NCAM2: variants seen among roughly 807,000 people sequenced by gnomAD.
The protein encoded by NCAM2 is N-CAM-2.
NCAM2 carries 30 observed loss-of-function variants against 98.1 expected under a neutral mutation model. That is an observed-to-expected ratio of 0.31 (90% CI 0.23 to 0.41). The LOEUF is 0.41. Ranked by LOEUF, NCAM2 falls within the 10% of genes least tolerant of loss-of-function variation. NCAM2 has a pLI of 1.00. For synonymous variants in NCAM2, 368 were observed against 342.4 expected (o/e 1.07, Z -0.83); for missense variants, 867 against 1,005.8 (o/e 0.86, Z 1.87).
intron 1 of NCAM2, among the ~76,000 whole-genome samples, chr21:21,114,155 TGA>T (rs2066507680): frequency 6.6e-6 from 1 of 152,208 alleles, no homozygotes; most frequent in Admixed American, 6.5e-5. Flanking sequence ...ATAAGCATTT[TGA>T]GTATGCTTTT....
chr21:21,288,630 T>C (rs2073185529), intron 4 of NCAM2, among the ~76,000 whole-genome samples: 1 of 151,612 alleles, frequency 6.6e-6, no homozygotes, highest in Admixed American at 6.6e-5. Flanking sequence ...ACATAAATCA[T>C]TATTGAACAA....
At chr21:21,333,252 G>A (rs750894984) in intron 6 of NCAM2, among the ~76,000 whole-genome samples, 4 of 152,048 alleles carry the variant, frequency 2.6e-5, no homozygotes, top group Non-Finnish European at 4.4e-5. Context: ...TTCCTATTGA[G>A]CATTTAAAGT....
At chr21:21,035,105 A>G (rs1166756975) in intron 1 of NCAM2, among the ~76,000 whole-genome samples, 3 of 152,144 alleles carry the variant, frequency 2.0e-5, no homozygotes, top group Non-Finnish European at 4.4e-5. Flanking sequence ...ATTTAACACA[A>G]GGTCAGGGAC....
intron 1 of NCAM2, among the ~76,000 whole-genome samples, chr21:21,264,994 G>GTGTATA (rs1428185369): frequency 1.1e-4 from 4 of 38,094 alleles, no homozygotes; most frequent in Admixed American, 4.2e-4. Context: ...ATATGTGTAT[G>GTGTATA]TGTATATATA....
chr21:21,347,025 A>C (rs951238173), intron 8 of NCAM2, among the ~76,000 whole-genome samples: 2 of 151,918 alleles, frequency 1.3e-5, no homozygotes, highest in East Asian at 3.8e-4. Flanking sequence ...ATAATGGAGA[A>C]CAGAGCAGAA....
chr21:21,350,949 G>GAGA (rs11368423), intron 8 of NCAM2, among the ~76,000 whole-genome samples: 34,416 of 136,304 alleles, frequency 0.25, 4,572 homozygotes, highest in East Asian at 0.42. Context: ...AAAAAAAAAA[G>GAGA]GAGAGAAAAG....
At chr21:21,410,545 G>A (rs888821044) in intron 10 of NCAM2, 84 bp downstream of exon 10, 4 of 690,348 alleles carry the variant, frequency 5.8e-6, no homozygotes, top group South Asian at 3.3e-5. Context: ...ATCTTCATAT[G>A]CATATATATA....
intron 10 of NCAM2, among the ~76,000 whole-genome samples, chr21:21,417,317 A>G (rs1027900927): frequency 1.3e-5 from 2 of 152,132 alleles, no homozygotes; most frequent in Non-Finnish European, 2.9e-5. Context: ...GAATATTTTA[A>G]TCACTTAGCA....
chr21:21,452,347 G>T (rs1180549703), intron 12 of NCAM2, among the ~76,000 whole-genome samples: 1 of 131,024 alleles, frequency 7.6e-6, no homozygotes. Context: ...AACAAAAACT[G>T]AAAAGCACCT....
At chr21:21,007,633 G>A (rs1872980508) in intron 1 of NCAM2, among the ~76,000 whole-genome samples, 1 of 152,076 alleles carries the variant, frequency 6.6e-6, no homozygotes, top group Admixed American at 6.6e-5. Context: ...AAACTATTAT[G>A]GTGCTGGTGG....
chr21:21,216,691 G>A (rs1313190963), intron 1 of NCAM2, among the ~76,000 whole-genome samples: 1 of 152,138 alleles, frequency 6.6e-6, no homozygotes, highest in Non-Finnish European at 1.5e-5. Context: ...CATCCGTCCT[G>A]GTTATGGTGA....
At chr21:21,030,462 G>A (rs1288164621) in intron 1 of NCAM2, among the ~76,000 whole-genome samples, 3 of 152,118 alleles carry the variant, frequency 2.0e-5, no homozygotes, top group African/African-American at 7.2e-5. Context: ...TCATCTGAAT[G>A]ACCTGCCTTT....
At chr21:21,354,615 A>ATT (rs2075422524) in intron 8 of NCAM2, among the ~76,000 whole-genome samples, 1 of 152,224 alleles carries the variant, frequency 6.6e-6, no homozygotes, top group Non-Finnish European at 1.5e-5. Context: ...TTTTGTGTCC[A>ATT]AACATATTTT....
chr21:21,382,303 C>T (rs2076169729), intron 9 of NCAM2, among the ~76,000 whole-genome samples: 1 of 152,044 alleles, frequency 6.6e-6, no homozygotes, highest in Non-Finnish European at 1.5e-5. Flanking sequence ...TAATCTCTTA[C>T]TAATCTCTGG....
intron 1 of NCAM2, among the ~76,000 whole-genome samples, chr21:21,016,706 C>T (rs1163728708): frequency 6.6e-6 from 1 of 152,120 alleles, no homozygotes; most frequent in African/African-American, 2.4e-5. Flanking sequence ...TATGCTTGAG[C>T]TTCTTTAATA....
chr21:21,354,106 A>C (rs1453931381), intron 8 of NCAM2, among the ~76,000 whole-genome samples: 1 of 152,302 alleles, frequency 6.6e-6, no homozygotes, highest in East Asian at 1.9e-4. Context: ...TATATCATAA[A>C]TATAAAGTGC....
intron 12 of NCAM2, chr21:21,463,909 T>C (rs1000091513): frequency 6.6e-6 from 1 of 152,036 alleles, no homozygotes; most frequent in African/African-American, 2.4e-5. Flanking sequence ...TTTAACCTAA[T>C]TAATAACCTC....
intron 10 of NCAM2, among the ~76,000 whole-genome samples, chr21:21,413,664 TACATA>T (rs1424689923): frequency 6.6e-6 from 1 of 152,210 alleles, no homozygotes; most frequent in Non-Finnish European, 1.5e-5. Flanking sequence ...TAAAAAGGTC[TACATA>T]ACATAACTGA....
At chr21:21,202,231 A>G (rs946555315) in intron 1 of NCAM2, among the ~76,000 whole-genome samples, 4 of 152,086 alleles carry the variant, frequency 2.6e-5, no homozygotes, top group Non-Finnish European at 5.9e-5. Flanking sequence ...ACCACCATAT[A>G]AATCTGGTGA....
Sources: allele counts gnomAD v4.1 joint callset (sites outside exome capture counted in the v4.1 genomes callset), GRCh38; gene constraint gnomAD v4.1.1; transcripts MANE v1.5; gene names NCBI Gene and HGNC (gene_info 2026-07-23, HGNC 2026-07-21).